SLC24A3: variants seen among roughly 807,000 people sequenced by gnomAD.
SLC24A3 encodes the protein solute carrier family 24 member 3, also known as sodium/potassium/calcium exchanger 3.
SLC24A3 carries 28 observed loss-of-function variants against 75.8 expected under a neutral mutation model. The observed-to-expected ratio is 0.37, with a 90% CI of 0.27 to 0.51. The LOEUF (loss-of-function observed/expected upper bound fraction) is 0.51. Among genes scored for constraint, SLC24A3 ranks in the 20% least tolerant of loss-of-function variants. The pLI, the probability that SLC24A3 is intolerant of heterozygous loss-of-function variation, is 0.94. For synonymous variants in SLC24A3, 372 were observed against 334.1 expected (o/e 1.11, Z -1.24); for missense variants, 663 against 847.8 (o/e 0.78, Z 2.71).
At chr20:19,378,588 C>G (rs886752860) in intron 2 of SLC24A3, among the ~76,000 whole-genome samples, 2 of 152,286 alleles carry the variant, frequency 1.3e-5, no homozygotes, top group Non-Finnish European at 2.9e-5. Context: ...TGAAGACACC[C>G]TGTGCTGCTG....
chr20:19,296,336 G>A (rs1984060496), intron 2 of SLC24A3, among the ~76,000 whole-genome samples: 1 of 113,022 alleles, frequency 8.8e-6, no homozygotes, highest in South Asian at 2.9e-4. Flanking sequence ...GGTTTCTCAT[G>A]TCTCTGTCTC....
intron 2 of SLC24A3, among the ~76,000 whole-genome samples, chr20:19,380,679 G>A (rs1400595309): frequency 6.6e-6 from 1 of 152,088 alleles, no homozygotes; most frequent in Non-Finnish European, 1.5e-5. Flanking sequence ...GAAGCATGAT[G>A]GATTATTTTG....
chr20:19,439,875 A>G (rs1987270067), intron 2 of SLC24A3, among the ~76,000 whole-genome samples: 1 of 152,182 alleles, frequency 6.6e-6, no homozygotes, highest in East Asian at 1.9e-4. Context: ...GAGAGGTTGA[A>G]TTCGGTCTTA....
At chr20:19,400,422 C>T (rs76203200) in intron 2 of SLC24A3, among the ~76,000 whole-genome samples, 2,552 of 152,224 alleles carry the variant, frequency 0.017, 76 homozygotes, top group African/African-American at 0.056. Flanking sequence ...ACCCACTGCC[C>T]CAGGAATCTT....
At chr20:19,228,463 C>A (rs1254794293) in intron 1 of SLC24A3, among the ~76,000 whole-genome samples, 3 of 152,120 alleles carry the variant, frequency 2.0e-5, no homozygotes, top group Non-Finnish European at 1.5e-5. Context: ...CACTGTGAAA[C>A]CTTGTCTCTA....
At chr20:19,361,065 G>T (rs1319337132) in intron 2 of SLC24A3, among the ~76,000 whole-genome samples, 1 of 152,212 alleles carries the variant, frequency 6.6e-6, no homozygotes, top group Non-Finnish European at 1.5e-5. Flanking sequence ...CTGACCTCGT[G>T]ATCCACCTGC....
chr20:19,310,593 G>C (rs1288660874), intron 2 of SLC24A3, among the ~76,000 whole-genome samples: 1 of 152,198 alleles, frequency 6.6e-6, no homozygotes, highest in Non-Finnish European at 1.5e-5. Context: ...GGCTACCTGG[G>C]AAGGAAACTT....
intron 15 of SLC24A3, 37 bp from the exon 16 acceptor site, chr20:19,717,491 A>G (rs2033056547): frequency 8.1e-6 from 13 of 1,610,490 alleles, no homozygotes; most frequent in Non-Finnish European, 1.1e-5. Context: ...TTGGAAGCCT[A>G]GCTTGTCAGA....
Position 19,422,615 on chromosome 20 carries a change from T to C in SLC24A3, c.272-92873T>C, listed in dbSNP as rs529811806. Among the ~76,000 whole-genome samples, 8 of 152,318 alleles carry C rather than the reference T, an allele frequency of 5.3e-5. No homozygotes were observed. The East Asian group carries it at 9.6e-4, about 18-fold the overall frequency. On this transcript the variant is annotated intron_variant, in intron 2 of 16. Coordinates refer to ENST00000328041, the MANE Select transcript of SLC24A3 (RefSeq NM_020689.4). ...CCTGGAGAACTTTAAAAAATACTGATGCCTCTGTTCCTTCCGCAGAGTGAG... is the reference window on the plus strand; with the variant it reads ...CCTGGAGAACTTTAAAAAATACTGACGCCTCTGTTCCTTCCGCAGAGTGAG...
intron 4 of SLC24A3, 114 bp downstream of exon 4, chr20:19,580,188 G>A: frequency 1.3e-6 from 1 of 788,418 alleles, no homozygotes. Context: ...GGCAGCTGCA[G>A]CGGGAACACC....
intron 3 of SLC24A3, among the ~76,000 whole-genome samples, chr20:19,567,879 TA>T (rs1401464170): frequency 6.6e-6 from 1 of 152,140 alleles, no homozygotes; most frequent in Non-Finnish European, 1.5e-5. Context: ...TTGCAAATCG[TA>T]TATCTGATAA....
chr20:19,666,342 TA>T (rs1180751433), intron 8 of SLC24A3, among the ~76,000 whole-genome samples: 1 of 151,636 alleles, frequency 6.6e-6, no homozygotes, highest in Non-Finnish European at 1.5e-5. Context: ...TCGTCTCTAC[TA>T]AAAATACAAA....
At chr20:19,398,711 A>G (rs1986499056) in intron 2 of SLC24A3, among the ~76,000 whole-genome samples, 1 of 152,180 alleles carries the variant, frequency 6.6e-6, no homozygotes, top group Non-Finnish European at 1.5e-5. Flanking sequence ...GAACTTCTGT[A>G]ATTTTGAACA....
In SLC24A3 at chr20:19,667,508, A is replaced by G. The variant is rs1280004065; in HGVS notation, c.713+1619A>G. 3.3e-5 allele frequency among the ~76,000 whole-genome samples: 5 copies of G among 152,352 alleles called. No individual in the cohort carries two copies. The East Asian group carries it at 7.7e-4, about 23-fold the overall frequency. ...GCCTTAGCAAACAGTAGGTGCTTCA[A>G]CGTTGCTCAGTGGTGCTAGTCTTTG... On this transcript the variant is annotated intron_variant, in intron 8 of 16. Transcript: ENST00000328041.
At position 19,454,021 on chromosome 20, in the gene SLC24A3, A is replaced by G. The variant is rs146589445; in HGVS notation, c.272-61467A>G. On this transcript the variant is annotated intron_variant, in intron 2 of 16. Transcript: ENST00000328041. The stretch of plus-strand genomic sequence containing the variant: ...TTACAAGCTGCTATCTTCAGATGCT[A>G]ATGAATTATTCCTTGAAGCCTGACC... Among the ~76,000 whole-genome samples the G allele has an allele frequency of 9.0e-4, 137 of 152,336 alleles. 1 individual carries two copies. Among genetic ancestry groups the G allele is most frequent in the Non-Finnish European group, 1.6e-3 (107 of 68,020 alleles).
chr20:19,693,242 CT>C lies in SLC24A3; in HGVS notation c.1325-12del. On this transcript the variant is annotated splice_polypyrimidine_tract_variant and intron_variant, in intron 12 of 16. Transcript: ENST00000328041. The stretch of plus-strand genomic sequence containing the variant: ...TATTTTTTTTTTATTTCTTTTTGGC[CT>C]TTTTCATTTTTCCAGCGGGTAAACT... The C allele has an allele frequency of 1.9e-6, 3 of 1,589,544 alleles. No individual in the cohort carries two copies. The highest frequency in any genetic ancestry group is 1.9e-5 in the Admixed American group (1 of 53,940).
intron 2 of SLC24A3, among the ~76,000 whole-genome samples, chr20:19,313,671 G>A (rs1012796350): frequency 6.6e-6 from 1 of 152,206 alleles, no homozygotes; most frequent in African/African-American, 2.4e-5. Context: ...AAGAATCCGA[G>A]GCATTAAACC....
intron 4 of SLC24A3, among the ~76,000 whole-genome samples, chr20:19,581,879 A>G (rs2031222972): frequency 6.6e-6 from 1 of 152,188 alleles, no homozygotes; most frequent in Non-Finnish European, 1.5e-5. Flanking sequence ...GCCCAGACCC[A>G]CAGCGATACT....
intron 7 of SLC24A3, among the ~76,000 whole-genome samples, chr20:19,659,146 C>T (rs1474244554): frequency 6.6e-6 from 1 of 152,204 alleles, no homozygotes; most frequent in African/African-American, 2.4e-5. Flanking sequence ...TAACGTGGGC[C>T]AGCTTGAAAC....
Sources: gnomAD v4.1 joint callset for allele counts (sites outside exome capture counted in the v4.1 genomes callset) on GRCh38, gnomAD v4.1.1 for gene constraint, MANE v1.5 for transcripts, NCBI Gene and HGNC (gene_info 2026-07-23, HGNC 2026-07-21) for gene names.